The following PCDH11X variants were observed in gnomAD, a reference collection of about 807,000 sequenced individuals.
PCDH11X encodes the protein protocadherin-11 X-linked.
Under a neutral mutation model 53.3 loss-of-function variants are expected in PCDH11X, and 18 were observed. That is an observed-to-expected ratio of 0.34 (90% CI 0.23 to 0.50). PCDH11X has a LOEUF of 0.50. PCDH11X is among the 20% of genes least tolerant of loss of function. The probability of loss-of-function intolerance (pLI) is 0.98; values close to 1 mark genes in which losing one functional copy is unlikely to be tolerated. For synonymous variants in PCDH11X, 279 were observed against 393.3 expected, an observed-to-expected ratio of 0.71 and a Z score of 3.44; for missense variants, 570 against 1,032.4, an observed-to-expected ratio of 0.55 and a Z score of 6.14.
intron 10 of PCDH11X, among the ~76,000 whole-genome samples, chrX:92,596,662 A>G (rs904728795): frequency 9.5e-6 from 1 of 104,857 alleles, no homozygotes; most frequent in African/African-American, 3.5e-5. Flanking sequence ...TGCTCAAACT[A>G]TCCCTAAAAA....
At chrX:91,909,927 T>C (rs1941316955) in intron 6 of PCDH11X, among the ~76,000 whole-genome samples, 1 of 111,417 alleles carries the variant, frequency 9.0e-6, no homozygotes, top group African/African-American at 3.3e-5. Flanking sequence ...TTGTGTGAGA[T>C]TGAGATCGAC....
chrX:92,107,287 T>C (rs1478267232), intron 6 of PCDH11X, among the ~76,000 whole-genome samples: 1 of 112,071 alleles, frequency 8.9e-6, no homozygotes, highest in Non-Finnish European at 1.9e-5. Flanking sequence ...CAGGGCCTCT[T>C]GAGGCTGTGT....
intron 1 of PCDH11X, among the ~76,000 whole-genome samples, chrX:91,783,588 C>T (rs1935233097): frequency 9.0e-6 from 1 of 111,521 alleles, no homozygotes; most frequent in South Asian, 3.8e-4. Flanking sequence ...TTTTTCTCTG[C>T]GCAAGCAGTC....
At chrX:92,268,481 C>T (rs779425684) in intron 8 of PCDH11X, among the ~76,000 whole-genome samples, 163 of 110,523 alleles carry the variant, frequency 1.5e-3, no homozygotes, top group East Asian at 1.7e-3. Flanking sequence ...TTAGTAGAGA[C>T]GGGGTTTCAC....
chrX:91,993,650 T>C (rs1368554368), intron 6 of PCDH11X, among the ~76,000 whole-genome samples: 1 of 111,236 alleles, frequency 9.0e-6, no homozygotes. Context: ...TACATTAAAG[T>C]TGTGTTTCTG....
chrX:92,591,456 C>T (rs907130278), intron 10 of PCDH11X, among the ~76,000 whole-genome samples: 1 of 110,231 alleles, frequency 9.1e-6, no homozygotes, highest in Non-Finnish European at 1.9e-5. Context: ...CTTTCTATGC[C>T]ATTCTGTCAT....
intron 9 of PCDH11X, chrX:92,459,875 G>T (rs2072997564): frequency 4.4e-6 from 5 of 1,135,215 alleles, no homozygotes; most frequent in East Asian, 3.0e-5. Context: ...ATGGCTGGGG[G>T]TCTGGCAGGA....
At chrX:91,804,046 A>G (rs1439488574) in intron 1 of PCDH11X, among the ~76,000 whole-genome samples, 2 of 111,662 alleles carry the variant, frequency 1.8e-5, no homozygotes, top group Admixed American at 9.6e-5. Flanking sequence ...CGCTTCTTGT[A>G]TTGGTGGGTT....
intron 6 of PCDH11X, among the ~76,000 whole-genome samples, chrX:92,142,667 C>A (rs1045089437): frequency 1.8e-5 from 2 of 111,592 alleles, no homozygotes; most frequent in African/African-American, 6.5e-5. Context: ...CATGCACACA[C>A]ACCCACACAC....
At chrX:92,108,946 CAG>C (rs1384725543) in intron 6 of PCDH11X, among the ~76,000 whole-genome samples, 1 of 111,836 alleles carries the variant, frequency 8.9e-6, no homozygotes, top group Non-Finnish European at 1.9e-5. Flanking sequence ...GCTGCCTAGA[CAG>C]AGACGATTTA....
intron 6 of PCDH11X, chrX:91,879,846 T>A: frequency 4.0e-6 from 3 of 750,595 alleles, no homozygotes; most frequent in Non-Finnish European, 4.7e-6. Context: ...AAATCTACAG[T>A]CACACAATAT....
intron 6 of PCDH11X, among the ~76,000 whole-genome samples, chrX:91,915,395 G>A (rs1054965126): frequency 8.2e-5 from 9 of 109,522 alleles, no homozygotes; most frequent in Non-Finnish European, 9.5e-5. Context: ...GATACAGAAT[G>A]GCAGAATGGA....
chrX:91,966,497 G>A (rs1296361455), intron 6 of PCDH11X, among the ~76,000 whole-genome samples: 2 of 108,792 alleles, frequency 1.8e-5, no homozygotes, highest in South Asian at 4.2e-4. Context: ...GGGACCTGTC[G>A]GGGGTGGGGG....
chrX:91,878,061 C>T lies in PCDH11X; in HGVS notation c.1821C>T (p.Leu607=). ...ATGGAGACAATTCTGCAGTTACGCTCTCCATTTTAGATGAGAATGATGACT... is the reference window on the plus strand; with the variant it reads ...ATGGAGACAATTCTGCAGTTACGCTTTCCATTTTAGATGAGAATGATGACT... ...PDYGDNSAVT[L]SILDENDDFT... The change falls in exon 6 of 11, where the codon CTC becomes CTT. Residue 607 remains leucine, a synonymous_variant. Coordinates refer to ENST00000682573, the MANE Select transcript of PCDH11X (RefSeq NM_032968.5). The T allele has an allele frequency of 8.3e-7, 1 of 1,208,177 alleles. No homozygotes were observed. The highest frequency in any genetic ancestry group is 1.1e-6 in the Non-Finnish European group (1 of 893,783).
intron 8 of PCDH11X, among the ~76,000 whole-genome samples, chrX:92,267,416 T>C (rs907255343): frequency 5.3e-5 from 6 of 112,425 alleles, no homozygotes; most frequent in African/African-American, 1.9e-4. Flanking sequence ...ACGTAATGGA[T>C]AATAGAAAGA....
intron 6 of PCDH11X, among the ~76,000 whole-genome samples, chrX:92,000,182 G>T (rs925307742): frequency 1.7e-4 from 19 of 111,110 alleles, no homozygotes; most frequent in African/African-American, 4.6e-4. Flanking sequence ...TATGACTTTA[G>T]TGTAAATTGA....
intron 10 of PCDH11X, among the ~76,000 whole-genome samples, chrX:92,498,717 C>A (rs1177208759): frequency 9.5e-6 from 1 of 105,793 alleles, no homozygotes; most frequent in Non-Finnish European, 1.9e-5. Flanking sequence ...CATACTTCTA[C>A]AATATGTAGC....
At chrX:91,893,230 A>G (rs1272857730) in intron 6 of PCDH11X, among the ~76,000 whole-genome samples, 2 of 111,315 alleles carry the variant, frequency 1.8e-5, no homozygotes, top group Non-Finnish European at 3.8e-5. Context: ...TATTTTGGAT[A>G]TTTTGATTGT....
At chrX:92,476,393 A>C (rs908107988) in intron 10 of PCDH11X, among the ~76,000 whole-genome samples, 3 of 108,253 alleles carry the variant, frequency 2.8e-5, no homozygotes, top group African/African-American at 1.0e-4. Context: ...TACTTGATTC[A>C]TTCTAATTAT....
Sources: gnomAD v4.1 joint callset for allele counts (sites outside exome capture counted in the v4.1 genomes callset) on GRCh38, gnomAD v4.1.1 for gene constraint, MANE v1.5 for transcripts, NCBI Gene and HGNC (gene_info 2026-07-23, HGNC 2026-07-21) for gene names.